The following NCKAP5 variants were observed in gnomAD, a reference collection of about 807,000 sequenced individuals.
The protein encoded by NCKAP5 is NCK associated protein 5.
A neutral mutation model predicts 167.0 loss-of-function variants in NCKAP5; 92 were observed. The ratio of observed to expected loss-of-function variants is 0.55; its 90% CI spans 0.47 to 0.66. The LOEUF (loss-of-function observed/expected upper bound fraction) is 0.66, where lower values mean the gene tolerates loss of function less well. NCKAP5 is among the 30% of genes least tolerant of loss of function. The pLI is 0.00. For synonymous variants in NCKAP5, 891 were observed against 877.4 expected (o/e 1.02, Z -0.27); for missense variants, 2,378 against 2,315.0 (o/e 1.03, Z -0.56).
the NCKAP5 span, among the ~76,000 whole-genome samples, chr2:133,656,367 T>A: frequency 6.6e-6 from 1 of 152,248 alleles, no homozygotes; most frequent in African/African-American, 2.4e-5. Flanking sequence ...TATTATGATT[T>A]GCTGTTACAA....
intron 3 of NCKAP5, among the ~76,000 whole-genome samples, chr2:133,453,422 A>C (rs1187841713): frequency 6.6e-6 from 1 of 152,178 alleles, no homozygotes; most frequent in African/African-American, 2.4e-5. Context: ...TATTGTGCAC[A>C]GCATTGACCA....
chr2:132,844,681 T>C (rs1297275878), intron 11 of NCKAP5, among the ~76,000 whole-genome samples: 2 of 152,166 alleles, frequency 1.3e-5, no homozygotes, highest in African/African-American at 2.4e-5. Flanking sequence ...GGATACAGCA[T>C]AGGTTTTTTG....
rs141452265 is a variant in NCKAP5, at chr2:133,322,994, C to T, written c.70-19884G>A. Among the ~76,000 whole-genome samples the T allele has an allele frequency of 4.7e-4, 71 of 152,282 alleles. No homozygotes were observed. In the East Asian group the frequency reaches 0.014, roughly 29 times the overall value. ...ACTACTAGACTGGTCTTTAGGGCCT[C>T]TAGGATTTTGAGTATGGAAAGACAG... On this transcript the variant is annotated intron_variant, in intron 3 of 19. Transcript: ENST00000409261.
Position 132,776,972 on chromosome 2 carries a change from C to A in NCKAP5, c.5050-3078G>T, listed in dbSNP as rs1682606714. Among the ~76,000 whole-genome samples the A allele has an allele frequency of 2.0e-5, 3 of 152,194 alleles. No individual in the cohort carries two copies. The South Asian group carries it at 6.2e-4, about 32-fold the overall frequency. On this transcript the variant is annotated intron_variant, in intron 15 of 19. Coordinates refer to ENST00000409261, the MANE Select transcript of NCKAP5 (RefSeq NM_207363.3). ...AGTGAACACAAAACCAAGAAGTCTGCCAAACGTTTGGTTCAGAAAAGATGT... is the reference window on the plus strand; with the variant it reads ...AGTGAACACAAAACCAAGAAGTCTGACAAACGTTTGGTTCAGAAAAGATGT...
chr2:133,293,140 A>G (rs1390683260), intron 4 of NCKAP5, among the ~76,000 whole-genome samples: 1 of 152,216 alleles, frequency 6.6e-6, no homozygotes, highest in African/African-American at 2.4e-5. Flanking sequence ...CCAGTGGAAT[A>G]ATCTTGATAA....
intron 11 of NCKAP5, among the ~76,000 whole-genome samples, chr2:132,817,787 T>C (rs1686392024): frequency 6.6e-6 from 1 of 152,064 alleles, no homozygotes; most frequent in Non-Finnish European, 1.5e-5. Context: ...GACCATACAA[T>C]GGCCAAGAAA....
intron 4 of NCKAP5, among the ~76,000 whole-genome samples, chr2:133,263,027 A>C (rs1291859587): frequency 6.6e-6 from 1 of 152,040 alleles, no homozygotes; most frequent in Non-Finnish European, 1.5e-5. Context: ...AATCAGCCTC[A>C]CCTCTCTCTC....
At chr2:132,750,213 AGTT>A (rs749708495) in intron 16 of NCKAP5, among the ~76,000 whole-genome samples, 2 of 152,270 alleles carry the variant, frequency 1.3e-5, no homozygotes, top group African/African-American at 4.8e-5. Flanking sequence ...AAACATGCAA[AGTT>A]GTTGTCTTTT....
At chr2:133,629,128 T>A in the NCKAP5 span, among the ~76,000 whole-genome samples, 1 of 151,926 alleles carries the variant, frequency 6.6e-6, no homozygotes, top group South Asian at 2.1e-4. Context: ...GAAGCAAAAA[T>A]TGACAAATGG....
chr2:133,263,859 A>C (rs1368303303), intron 4 of NCKAP5, among the ~76,000 whole-genome samples: 2 of 152,214 alleles, frequency 1.3e-5, no homozygotes, highest in African/African-American at 4.8e-5. Context: ...TAAGTACAGA[A>C]AATTGCTTCA....
chr2:133,630,849 G>C, the NCKAP5 span, among the ~76,000 whole-genome samples: 1 of 152,018 alleles, frequency 6.6e-6, no homozygotes, highest in Admixed American at 6.6e-5. Context: ...AAAAAGAGAT[G>C]GCCCATCTCC....
chr2:133,159,168 C>T (rs749585191), intron 5 of NCKAP5, among the ~76,000 whole-genome samples: 4 of 152,010 alleles, frequency 2.6e-5, no homozygotes, highest in Non-Finnish European at 5.9e-5. Flanking sequence ...ATGAGAGGGA[C>T]TCAGTGCGCC....
chr2:132,965,650 T>G (rs1178251365), intron 7 of NCKAP5, among the ~76,000 whole-genome samples: 1 of 152,082 alleles, frequency 6.6e-6, no homozygotes, highest in African/African-American at 2.4e-5. Context: ...CCTTAGGAGA[T>G]TTCATCATTG....
At chr2:132,761,745 A>T (rs1681025335) in intron 16 of NCKAP5, among the ~76,000 whole-genome samples, 1 of 152,156 alleles carries the variant, frequency 6.6e-6, no homozygotes, top group East Asian at 1.9e-4. Flanking sequence ...AAATGGGAAG[A>T]CTTGCTACAT....
chr2:133,550,116 A>T (rs1687151080), intron 2 of NCKAP5, among the ~76,000 whole-genome samples: 1 of 148,804 alleles, frequency 6.7e-6, no homozygotes, highest in Non-Finnish European at 1.5e-5. Flanking sequence ...TAGTTTACCA[A>T]CCAAAAAGAG....
chr2:133,044,207 G>A (rs942706956), intron 6 of NCKAP5, among the ~76,000 whole-genome samples: 6 of 152,028 alleles, frequency 3.9e-5, no homozygotes, highest in East Asian at 1.9e-4. Flanking sequence ...AAGCAGAATC[G>A]CAGAAGTACA....
intron 3 of NCKAP5, among the ~76,000 whole-genome samples, chr2:133,339,500 G>A (rs1478564335): frequency 6.6e-6 from 1 of 152,144 alleles, no homozygotes; most frequent in Non-Finnish European, 1.5e-5. Context: ...GTGTGAAAGG[G>A]ACCTAATTGA....
intron 5 of NCKAP5, among the ~76,000 whole-genome samples, chr2:133,202,917 T>C (rs2150128475): frequency 6.6e-6 from 1 of 152,086 alleles, no homozygotes; most frequent in South Asian, 2.1e-4. Flanking sequence ...TGTGGAGAAA[T>C]AGGAACACTT....
intron 8 of NCKAP5, among the ~76,000 whole-genome samples, chr2:132,921,085 G>A (rs1021932988): frequency 6.6e-6 from 1 of 151,600 alleles, no homozygotes; most frequent in Non-Finnish European, 1.5e-5. Flanking sequence ...TCCCAGAGAG[G>A]ATCTTCTCAT....
Sources: allele counts gnomAD v4.1 joint callset (sites outside exome capture counted in the v4.1 genomes callset), GRCh38; gene constraint gnomAD v4.1.1; transcripts MANE v1.5; gene names NCBI Gene and HGNC (gene_info 2026-07-23, HGNC 2026-07-21).